DUSP19: variants seen among roughly 807,000 people sequenced by gnomAD.
DUSP19 encodes dual specificity protein phosphatase 19.
Under a neutral mutation model 16.6 loss-of-function variants are expected in DUSP19, and 14 were observed. That is an observed-to-expected ratio of 0.84 (90% CI 0.56 to 1.32). DUSP19 has a LOEUF of 1.32. Among genes scored for constraint, DUSP19 ranks in the 40% most tolerant of loss-of-function variants. DUSP19 has a pLI of 0.00. For synonymous variants in DUSP19, 81 were observed against 90.5 expected, an observed-to-expected ratio of 0.90 and a Z score of 0.59; for missense variants, 258 against 255.9, an observed-to-expected ratio of 1.01 and a Z score of -0.06.
rs528459718 is a variant in DUSP19 at position 183,096,232 on chromosome 2, T to G, written c.*574T>G. On this transcript the variant is annotated 3_prime_UTR_variant, in exon 4 of 4. Transcript: ENST00000354221. ...AAAAATATACACTTTTCATTTTGTC[T>G]TCTTCTTTTTTTTTCTTTTTTTAGA... The G allele has an allele frequency of 9.5e-5, 14 of 147,674 alleles. No individual in the cohort carries two copies. The East Asian group carries it at 1.4e-3, about 14-fold the overall frequency. 9.1% of individuals were successfully genotyped at this position (147,674 alleles called of 1,614,324 possible). A position where few individuals can be genotyped will look rare whatever the true frequency, so the allele number is the denominator to read the frequency against.
rs960539394 is a variant in DUSP19 at position 183,079,102 on chromosome 2, G to A, written c.169G>A (p.Val57Met). Residue 57 changes from valine (V) to methionine (M), a missense_variant, in exon 1 of 4, where the codon GTG becomes ATG. Coordinates refer to ENST00000354221, the MANE Select transcript of DUSP19 (RefSeq NM_080876.4). ...EPSSGGGCGY[V>M]QDLSSDLQVG... ...GAGCAGTGGGGGTGGTTGTGGTTAT[G>A]TGCAGGACCTTAGCTCGGACCTGCA... is the stretch of plus-strand genomic sequence containing the variant. The A allele has an allele frequency of 5.0e-6, 8 of 1,614,138 alleles. No individual in the cohort carries two copies. The highest frequency in any genetic ancestry group is 6.8e-6 in the Non-Finnish European group (8 of 1,180,016).
intron 3 of DUSP19, among the ~76,000 whole-genome samples, chr2:183,088,516 G>A (rs1256646573): frequency 2.7e-5 from 4 of 148,586 alleles, no homozygotes; most frequent in African/African-American, 5.0e-5. Flanking sequence ...TCCGCCTCTC[G>A]GGTTCAAGTG....
Position 183,095,415 on chromosome 2 carries a change from GT to G in DUSP19, c.427-5del, listed in dbSNP as rs57818913. ...AAATGAATAATGAAGATTTTTGTTTGTTTTTTTTTTTGTAGGATGGAGTGGT... is the reference window on the plus strand; with the variant it reads ...AAATGAATAATGAAGATTTTTGTTTGTTTTTTTTTTGTAGGATGGAGTGGT... On this transcript the variant is annotated splice_polypyrimidine_tract_variant and intron_variant, in intron 3 of 3. Transcript: ENST00000354221. 9.7e-3 allele frequency: 11,627 copies of G among 1,199,586 alleles called. No individual in the cohort carries two copies. Among genetic ancestry groups the G allele is most frequent in the South Asian group, 0.015 (1,020 of 66,004 alleles). The allele number at this position is 1,199,586 out of a possible 1,614,324, so 74.3% of individuals were successfully genotyped here.
chr2:183,079,392 A>G (rs993180597), intron 1 of DUSP19, among the ~76,000 whole-genome samples: 23 of 152,182 alleles, frequency 1.5e-4, no homozygotes, highest in Admixed American at 1.5e-3. Context: ...GCATATTTGA[A>G]TTTTAGAAAA....
At position 183,086,952 on chromosome 2, in the gene DUSP19, C is replaced by G. The variant is rs1459834217; in HGVS notation, c.274-88C>G. On this transcript the variant is annotated intron_variant, in intron 2 of 3. Transcript: ENST00000354221. Reference sequence around the variant, plus strand: ...AGTCGCATTTAAATTTTTTACCTTTCTTGTTATAGATATCAACACCCCAGT... The same window carrying G: ...AGTCGCATTTAAATTTTTTACCTTTGTTGTTATAGATATCAACACCCCAGT... 5 of 1,328,352 alleles carry G rather than the reference C, an allele frequency of 3.8e-6. No homozygotes were observed. The African/African-American group carries it at 5.9e-5, about 16-fold the overall frequency. 82.3% of individuals were successfully genotyped at this position (1,328,352 alleles called of 1,614,324 possible). A position where few individuals can be genotyped will look rare whatever the true frequency, so the allele number is the denominator to read the frequency against.
chr2:183,089,421 G>A (rs1424561310), intron 3 of DUSP19, among the ~76,000 whole-genome samples: 1 of 152,140 alleles, frequency 6.6e-6, no homozygotes, highest in Non-Finnish European at 1.5e-5. Context: ...TGCCAGTGGG[G>A]ATATAACCAA....
chr2:183,082,016 A>G (rs1375492842), intron 1 of DUSP19, among the ~76,000 whole-genome samples: 2 of 152,222 alleles, frequency 1.3e-5, no homozygotes, highest in Admixed American at 6.5e-5. Flanking sequence ...AACTAGAGCC[A>G]GTTTCCAAGT....
intron 2 of DUSP19, among the ~76,000 whole-genome samples, chr2:183,086,488 C>G (rs1699663304): frequency 6.6e-6 from 1 of 151,808 alleles, no homozygotes; most frequent in Non-Finnish European, 1.5e-5. Flanking sequence ...ATGGCATGAG[C>G]TATAATAGGG....
At position 183,099,544 on chromosome 2, in the gene DUSP19, T is replaced by A. The variant is rs1699847922; in HGVS notation, c.*3886T>A. 6.6e-6 allele frequency: 1 copy of A among 152,236 alleles called. No individual in the cohort carries two copies. The highest frequency in any genetic ancestry group is 2.1e-4 in the South Asian group (1 of 4,832). The allele number at this position is 152,236 out of a possible 1,614,324, so 9.4% of individuals were successfully genotyped here. ...TTTCTATTTCAAGTAAAGCTTTGAG[T>A]TACTTGTTTTTATACATATTCATCA... is the stretch of plus-strand genomic sequence containing the variant. On this transcript the variant is annotated 3_prime_UTR_variant, in exon 4 of 4. Transcript: ENST00000354221.
rs772780708 is a variant in DUSP19 at position 183,079,043 on chromosome 2, A to G, written c.110A>G (p.Asp37Gly). ...TGKKIIETWK[D>G]ARIHVVEEVE... is the part of the protein sequence containing the mutation. The stretch of plus-strand genomic sequence containing the variant: ...AAGAAAATTATAGAAACATGGAAAG[A>G]TGCCAGAATTCATGTTGTGGAAGAA... Residue 37 changes from aspartate (D) to glycine (G), a missense_variant, in exon 1 of 4, where the codon GAT becomes GGT. Physicochemically the swap from Asp to Gly is moderately conservative, Grantham distance 94. Coordinates refer to ENST00000354221, the MANE Select transcript of DUSP19 (RefSeq NM_080876.4). The G allele has an allele frequency of 5.0e-6, 8 of 1,614,050 alleles. No individual in the cohort carries two copies. In the Admixed American group the frequency reaches 1.0e-4, roughly 20 times the overall value.
Position 183,095,678 on chromosome 2 carries a change from T to C in DUSP19, c.*20T>C. 9 of 1,576,508 alleles carry C rather than the reference T, an allele frequency of 5.7e-6. No individual in the cohort carries two copies. The highest frequency in any genetic ancestry group is 7.8e-6 in the Non-Finnish European group (9 of 1,151,014). ...TCATGAGTTGCATTGTAGCAGACAATGGACAACTGTAGTTTCTGAATTGAC... is the reference window on the plus strand; with the variant it reads ...TCATGAGTTGCATTGTAGCAGACAACGGACAACTGTAGTTTCTGAATTGAC... On this transcript the variant is annotated 3_prime_UTR_variant, in exon 4 of 4. Transcript: ENST00000354221.
chr2:183,085,139 T>G (rs1459135591), intron 2 of DUSP19, among the ~76,000 whole-genome samples: 1 of 151,888 alleles, frequency 6.6e-6, no homozygotes, highest in Non-Finnish European at 1.5e-5. Context: ...AGAATAGAGG[T>G]GAATATATAG....
At chr2:183,094,793 AT>A (rs1276641616) in intron 3 of DUSP19, among the ~76,000 whole-genome samples, 2 of 152,062 alleles carry the variant, frequency 1.3e-5, no homozygotes, top group African/African-American at 4.8e-5. Flanking sequence ...AGGGTAGAAA[AT>A]TTTTTCCTTG....
rs147242520 is a variant in DUSP19, at chr2:183,097,952, C to G, written c.*2294C>G. ...TATTGCCCAGGCTGGAGTGCAGTGG[C>G]GTGATCTTGGCTCACTGCAACCTCT... On this transcript the variant is annotated 3_prime_UTR_variant, in exon 4 of 4. Coordinates refer to ENST00000354221, the MANE Select transcript of DUSP19 (RefSeq NM_080876.4). The G allele has an allele frequency of 6.6e-6, 1 of 152,158 alleles. No individual in the cohort carries two copies. Among genetic ancestry groups the G allele is most frequent in the Non-Finnish European group, 1.5e-5 (1 of 68,062 alleles). 9.4% of individuals were successfully genotyped at this position (152,158 alleles called of 1,614,324 possible).
intron 2 of DUSP19, among the ~76,000 whole-genome samples, chr2:183,085,438 A>T (rs1699646973): frequency 6.6e-6 from 1 of 152,238 alleles, no homozygotes; most frequent in African/African-American, 2.4e-5. Flanking sequence ...CAGATGCTGT[A>T]AAAGTTTAAG....
intron 1 of DUSP19, among the ~76,000 whole-genome samples, chr2:183,081,103 T>A (rs759392846): frequency 1.3e-5 from 2 of 152,202 alleles, no homozygotes; most frequent in Non-Finnish European, 2.9e-5. Context: ...AAATGTAATC[T>A]TTTTTAGTTC....
chr2:183,090,076 CTAAT>C (rs550611817), intron 3 of DUSP19, among the ~76,000 whole-genome samples: 11 of 152,108 alleles, frequency 7.2e-5, no homozygotes, highest in Non-Finnish European at 1.3e-4. Flanking sequence ...GCCTGGAAGG[CTAAT>C]ATATATTTAG....
At chr2:183,090,713 G>C (rs1699721489) in intron 3 of DUSP19, among the ~76,000 whole-genome samples, 1 of 151,326 alleles carries the variant, frequency 6.6e-6, no homozygotes, top group African/African-American at 2.4e-5. Flanking sequence ...CTTTTTTTTG[G>C]GAGGGCAACT....
intron 2 of DUSP19, among the ~76,000 whole-genome samples, chr2:183,084,726 C>A (rs190943004): frequency 6.6e-6 from 1 of 152,240 alleles, no homozygotes. Context: ...AAAGATTTCT[C>A]ATTAGAAGCA....
Sources: allele counts gnomAD v4.1 joint callset (sites outside exome capture counted in the v4.1 genomes callset), GRCh38; gene constraint gnomAD v4.1.1; transcripts MANE v1.5; gene names NCBI Gene and HGNC (gene_info 2026-07-23, HGNC 2026-07-21).